The following PSMG1 variants were observed in gnomAD, a reference collection of about 807,000 sequenced individuals.
PSMG1 encodes proteasome assembly chaperone 1, also known as Down syndrome critical region gene 2.
Under a neutral mutation model 37.2 loss-of-function variants are expected in PSMG1, and 23 were observed. The observed-to-expected ratio is 0.62, with a 90% CI of 0.44 to 0.88. PSMG1 has a LOEUF of 0.88. PSMG1 is among the 40% of genes least tolerant of loss of function. The pLI is 0.00. For missense variants in PSMG1, 340 were observed against 344.2 expected (o/e 0.99, Z 0.10); for synonymous variants, 127 against 128.0 (o/e 0.99, Z 0.05).
intron 1 of PSMG1, 68 bp downstream of exon 1, chr21:39,183,184 G>A: frequency 6.9e-7 from 1 of 1,442,282 alleles, no homozygotes. Flanking sequence ...CTTAGGCGCC[G>A]TCGCGGCTGC....
chr21:39,182,427 T>C (rs574334413), intron 1 of PSMG1, among the ~76,000 whole-genome samples: 1 of 152,278 alleles, frequency 6.6e-6, no homozygotes, highest in African/African-American at 2.4e-5. Flanking sequence ...CCTGTTAGGA[T>C]TCTCATTCAC....
intron 1 of PSMG1, chr21:39,182,943 G>A (rs1306300314): frequency 2.5e-5 from 8 of 318,796 alleles, no homozygotes; most frequent in Non-Finnish European, 4.0e-5. Flanking sequence ...CAAGCCTCCA[G>A]AAATGCTCCA....
At chr21:39,175,886 T>C (rs1340557339) in intron 6 of PSMG1, among the ~76,000 whole-genome samples, 5 of 152,028 alleles carry the variant, frequency 3.3e-5, no homozygotes, top group Non-Finnish European at 7.4e-5. Context: ...CCTCCGATGG[T>C]CTCCTGGCCT....
In PSMG1 at chr21:39,175,021, G is replaced by A. The variant is rs1174363558; in HGVS notation, c.*569C>T. The A allele has an allele frequency of 1.3e-5, 2 of 152,042 alleles. No homozygotes were observed. The highest frequency in any genetic ancestry group is 2.9e-5 in the Non-Finnish European group (2 of 68,004). 9.4% of individuals were successfully genotyped at this position (152,042 alleles called of 1,614,324 possible). ...ACCCACAAGATAAAAAAAACTGCAG[G>A]ACTCCTAAAATATCCAGAAACTTTC... On this transcript the variant is annotated 3_prime_UTR_variant, in exon 7 of 7. Coordinates refer to ENST00000331573, the MANE Select transcript of PSMG1 (RefSeq NM_003720.4).
intron 6 of PSMG1, among the ~76,000 whole-genome samples, chr21:39,176,825 C>T (rs979749560): frequency 6.6e-6 from 1 of 152,190 alleles, no homozygotes; most frequent in African/African-American, 2.4e-5. Context: ...GTTGTTACAA[C>T]CTCTTTCCTT....
At chr21:39,177,856 T>C (rs567086546) in intron 5 of PSMG1, among the ~76,000 whole-genome samples, 2 of 152,270 alleles carry the variant, frequency 1.3e-5, no homozygotes, top group East Asian at 3.9e-4. Flanking sequence ...CTGACTATAA[T>C]AAAGCATATA....
chr21:39,175,418 T>C lies in PSMG1; in HGVS notation c.*172A>G. The C allele has an allele frequency of 9.8e-7, 1 of 1,022,582 alleles. No homozygotes were observed. Among genetic ancestry groups the C allele is most frequent in the Non-Finnish European group, 1.3e-6 (1 of 792,318 alleles). 63.3% of individuals were successfully genotyped at this position (1,022,582 alleles called of 1,614,324 possible). ...AGGAAAATGCTTGGCTTATTTTGGT[T>C]GTGAATAATACCACCATAAATAAGG... On this transcript the variant is annotated 3_prime_UTR_variant, in exon 7 of 7. Coordinates refer to ENST00000331573, the MANE Select transcript of PSMG1 (RefSeq NM_003720.4).
chr21:39,183,491 A>C, upstream of PSMG1: 2 of 1,360,696 alleles, frequency 1.5e-6, no homozygotes, highest in South Asian at 2.9e-5. Flanking sequence ...CCCGCCCCGC[A>C]CAGGCCACGC....
At chr21:39,181,271 G>A (rs1040189987) in intron 2 of PSMG1, among the ~76,000 whole-genome samples, 3 of 151,980 alleles carry the variant, frequency 2.0e-5, no homozygotes, top group Admixed American at 1.3e-4. Flanking sequence ...GAGTAGCCAG[G>A]ACTACAGGCA....
intron 1 of PSMG1, among the ~76,000 whole-genome samples, chr21:39,182,640 G>T (rs553170656): frequency 6.6e-6 from 1 of 152,168 alleles, no homozygotes; most frequent in African/African-American, 2.4e-5. Flanking sequence ...TAGGAGTGGC[G>T]GGAGAGAAAA....
intron 1 of PSMG1, chr21:39,182,996 C>G: frequency 2.2e-6 from 1 of 444,996 alleles, no homozygotes; most frequent in South Asian, 4.2e-5. Context: ...TTGAACCCAG[C>G]CCTCCCACAG....
intron 6 of PSMG1, 99 bp downstream of exon 6, chr21:39,177,336 A>G (rs541493767): frequency 1.7e-6 from 2 of 1,188,622 alleles, no homozygotes; most frequent in South Asian, 4.4e-5. Flanking sequence ...ATGGATCTCC[A>G]AGCATTGCTT....
chr21:39,183,191 C>A, intron 1 of PSMG1, 61 bp downstream of exon 1: 1 of 1,458,866 alleles, frequency 6.9e-7, no homozygotes, highest in Non-Finnish European at 9.0e-7. Context: ...GCCGTCGCGG[C>A]TGCCAGGCCC....
At chr21:39,182,367 AGAG>A (rs1601190954) in intron 1 of PSMG1, among the ~76,000 whole-genome samples, 1 of 152,218 alleles carries the variant, frequency 6.6e-6, no homozygotes. Context: ...AGGAGGGGTA[AGAG>A]GAGGTTGCTC....
At chr21:39,180,207 T>C (rs1423742339) in intron 3 of PSMG1, 78 bp downstream of exon 3, 49 of 1,467,226 alleles carry the variant, frequency 3.3e-5, no homozygotes, top group South Asian at 9.7e-5. Flanking sequence ...AGATTTGCCA[T>C]ACTAAAGTAT....
At chr21:39,182,296 G>A (rs1179228295) in intron 1 of PSMG1, among the ~76,000 whole-genome samples, 1 of 152,172 alleles carries the variant, frequency 6.6e-6, no homozygotes, top group East Asian at 1.9e-4. Flanking sequence ...ACACCACAAC[G>A]AAGCTATCAG....
chr21:39,183,259 G>T lies in PSMG1; in HGVS notation c.127C>A (p.Arg43=). ...CTTATCCCGGTGCCTCACCTCTTCC[G>T]CGCCAGCTGCAGACGCACCTCCCTG... The part of the protein sequence containing the change: ...EDREVRLQLA[R]KREVRLLRRQ... Residue 43 remains arginine, a synonymous_variant, in exon 1 of 7, where the codon CGG becomes AGG. Transcript: ENST00000331573. The T allele has an allele frequency of 6.3e-7, 1 of 1,582,238 alleles. No homozygotes were observed.
intron 1 of PSMG1, 51 bp from the exon 2 acceptor site, chr21:39,181,929 C>T (rs376094519): frequency 6.2e-5 from 81 of 1,301,806 alleles, no homozygotes; most frequent in Non-Finnish European, 8.4e-5. Flanking sequence ...TAAACAGTAT[C>T]ATGGCAAAAG....
chr21:39,178,753 T>G, intron 4 of PSMG1, 106 bp from the exon 5 acceptor site: 6 of 1,025,804 alleles, frequency 5.8e-6, no homozygotes, highest in Non-Finnish European at 8.5e-6. Context: ...ATAGCATGCC[T>G]AGCAGGGGTG....
Sources: allele counts gnomAD v4.1 joint callset (sites outside exome capture counted in the v4.1 genomes callset), GRCh38; gene constraint gnomAD v4.1.1; transcripts MANE v1.5; gene names NCBI Gene and HGNC (gene_info 2026-07-23, HGNC 2026-07-21).